RAB6A: variants seen among roughly 807,000 people sequenced by gnomAD.
RAB6A encodes the protein ras-related protein Rab-6A.
RAB6A carries 8 observed loss-of-function variants against 32.3 expected under a neutral mutation model. The ratio of observed to expected loss-of-function variants is 0.25; its 90% confidence interval spans 0.15 to 0.45. The LOEUF (loss-of-function observed/expected upper bound fraction) is 0.45. Ranked by LOEUF, RAB6A falls within the 20% of genes least tolerant of loss-of-function variation. RAB6A has a pLI of 1.00. For missense variants in RAB6A, 104 were observed against 249.4 expected, an observed-to-expected ratio of 0.42 and a Z score of 3.93; for synonymous variants, 73 against 82.1, an observed-to-expected ratio of 0.89 and a Z score of 0.60.
intron 6 of RAB6A, chr11:73,704,276 T>C (rs897871219): frequency 8.0e-5 from 27 of 336,386 alleles, no homozygotes; most frequent in African/African-American, 5.2e-4. Flanking sequence ...CCAGCTATTC[T>C]GGAGGCTGAG....
chr11:73,733,352 C>T (rs1021534396), intron 1 of RAB6A, among the ~76,000 whole-genome samples: 4 of 152,048 alleles, frequency 2.6e-5, no homozygotes, highest in Non-Finnish European at 5.9e-5. Flanking sequence ...AGTTTGAGAT[C>T]AGCCTGGCCA....
chr11:73,727,266 A>T lies in RAB6A; in HGVS notation c.129+3499T>A, dbSNP rs546292893. ...GCAAAAACCCATCTGTACAAAAAAA[A>T]TTTTTTTTAATTAGCTGGGAGTGGT... On this transcript the variant is annotated intron_variant, in intron 2 of 7. Transcript: ENST00000336083. Among the ~76,000 whole-genome samples the T allele has an allele frequency of 1.1e-4, 17 of 151,740 alleles. No individual in the cohort carries two copies. In the East Asian group the frequency reaches 1.4e-3, roughly 12 times the overall value.
rs150283774 is a variant in RAB6A at position 73,751,327 on chromosome 11, G to A, written c.70+9239C>T. Among the ~76,000 whole-genome samples the A allele has an allele frequency of 5.8e-3, 886 of 152,274 alleles. 9 individuals carry two copies. Among genetic ancestry groups the A allele is most frequent in the African/African-American group, 0.02 (833 of 41,548 alleles). On this transcript the variant is annotated intron_variant, in intron 1 of 7. Coordinates refer to ENST00000336083, the MANE Select transcript of RAB6A (RefSeq NM_198896.2). ...CTAACCAACCCTAAGCAAGTATTAA[G>A]TGTTGGTTCTCGGAAAATCTGAATC...
At chr11:73,741,328 G>C (rs868323714) in intron 1 of RAB6A, among the ~76,000 whole-genome samples, 5 of 152,030 alleles carry the variant, frequency 3.3e-5, no homozygotes, top group Non-Finnish European at 4.4e-5. Context: ...AGTAGAGACG[G>C]GGTTTCACCA....
chr11:73,750,079 G>A (rs1565380356), intron 1 of RAB6A, among the ~76,000 whole-genome samples: 3 of 152,156 alleles, frequency 2.0e-5, no homozygotes, highest in African/African-American at 7.2e-5. Flanking sequence ...AGTGTTAGAA[G>A]TAAGTGAGAG....
intron 3 of RAB6A, among the ~76,000 whole-genome samples, chr11:73,719,459 CGTGT>C (rs75894184): frequency 6.6e-6 from 1 of 152,110 alleles, no homozygotes; most frequent in South Asian, 2.1e-4. Context: ...CGCATGCACG[CGTGT>C]GTGTGTATAA....
chr11:73,698,118 G>A (rs1565351692), intron 6 of RAB6A, among the ~76,000 whole-genome samples: 1 of 152,304 alleles, frequency 6.6e-6, no homozygotes, highest in African/African-American at 2.4e-5. Flanking sequence ...CTATTCAGTA[G>A]GCTGAGGTAG....
At chr11:73,732,190 C>G (rs1374226210) in intron 1 of RAB6A, among the ~76,000 whole-genome samples, 1 of 151,952 alleles carries the variant, frequency 6.6e-6, no homozygotes, top group African/African-American at 2.4e-5. Flanking sequence ...GACACAGACT[C>G]AAAATACAAA....
At chr11:73,746,858 AAGTT>A (rs1189716608) in intron 1 of RAB6A, among the ~76,000 whole-genome samples, 1 of 152,174 alleles carries the variant, frequency 6.6e-6, no homozygotes, top group Non-Finnish European at 1.5e-5. Context: ...ACCATGAGAC[AAGTT>A]AGTTAATCTC....
At chr11:73,728,833 A>G (rs992461885) in intron 2 of RAB6A, among the ~76,000 whole-genome samples, 5 of 151,708 alleles carry the variant, frequency 3.3e-5, no homozygotes, top group Admixed American at 2.6e-4. Context: ...GTCCTCTTCT[A>G]TTTTTCAGAA....
intron 2 of RAB6A, among the ~76,000 whole-genome samples, chr11:73,728,448 T>A (rs1178631104): frequency 6.6e-6 from 1 of 151,922 alleles, no homozygotes; most frequent in Admixed American, 6.6e-5. Context: ...TAATGTATTA[T>A]GTTTATTGCT....
intron 1 of RAB6A, among the ~76,000 whole-genome samples, chr11:73,736,429 CA>C (rs10714178): frequency 0.91 from 136,177 of 148,942 alleles, 62,342 homozygotes; most frequent in East Asian, 1. Flanking sequence ...ACTCTGTCTC[CA>C]AAAAAAAAAG....
At position 73,695,021 on chromosome 11, in the gene RAB6A, TA is replaced by T. The variant is rs921307498; in HGVS notation, c.495+12398del. Among the ~76,000 whole-genome samples the T allele has an allele frequency of 6.0e-5, 9 of 151,202 alleles. No homozygotes were observed. The South Asian group carries it at 1.9e-3, about 32-fold the overall frequency. On this transcript the variant is annotated intron_variant, in intron 6 of 7. Coordinates refer to ENST00000336083, the MANE Select transcript of RAB6A (RefSeq NM_198896.2). ...ACACGCAAGACTGTGTCTCAAAAAA[TA>T]AAAAAAAATTAAAAATAAAAATATA...
intron 5 of RAB6A, among the ~76,000 whole-genome samples, chr11:73,711,610 C>T (rs1488953966): frequency 6.6e-6 from 1 of 152,156 alleles, no homozygotes; most frequent in African/African-American, 2.4e-5. Context: ...TCTTTTTGTA[C>T]TCTTACCAGT....
At chr11:73,736,286 G>A (rs1389141714) in intron 1 of RAB6A, among the ~76,000 whole-genome samples, 6 of 151,338 alleles carry the variant, frequency 4.0e-5, no homozygotes, top group Non-Finnish European at 5.9e-5. Flanking sequence ...AAAATCAGCC[G>A]GGTGTGGTGG....
intron 2 of RAB6A, 116 bp downstream of exon 2, chr11:73,730,649 A>G: frequency 1.3e-6 from 1 of 783,794 alleles, no homozygotes; most frequent in East Asian, 2.7e-5. Flanking sequence ...AGCATTTTAC[A>G]GATTATAGAA....
At chr11:73,683,098 TTTA>T (rs1945385651) in intron 6 of RAB6A, among the ~76,000 whole-genome samples, 1 of 134,654 alleles carries the variant, frequency 7.4e-6, no homozygotes, top group Admixed American at 7.3e-5. Context: ...TCACAATCTA[TTTA>T]TTATCACAAA....
At chr11:73,694,485 G>T (rs1047008365) in intron 6 of RAB6A, among the ~76,000 whole-genome samples, 2 of 152,184 alleles carry the variant, frequency 1.3e-5, no homozygotes, top group African/African-American at 4.8e-5. Flanking sequence ...GCTATGTGAA[G>T]AAACAGCTAA....
chr11:73,717,336 C>G (rs768315312), intron 4 of RAB6A, among the ~76,000 whole-genome samples: 4 of 152,160 alleles, frequency 2.6e-5, no homozygotes, highest in Non-Finnish European at 4.4e-5. Flanking sequence ...GCCCAAGATA[C>G]TACATCTGTG....
Sources: allele counts gnomAD v4.1 joint callset (sites outside exome capture counted in the v4.1 genomes callset), GRCh38; gene constraint gnomAD v4.1.1; transcripts MANE v1.5; gene names NCBI Gene and HGNC (gene_info 2026-07-23, HGNC 2026-07-21).